Variants in SLC38A4 observed in about 807,000 individuals in gnomAD.
The protein encoded by SLC38A4 is solute carrier family 38 member 4.
In SLC38A4, 20 loss-of-function variants were observed where a neutral mutation model predicts 63.1. The observed-to-expected ratio is 0.32, with a 90% CI of 0.22 to 0.46. The LOEUF (loss-of-function observed/expected upper bound fraction) is 0.46, where lower values mean the gene tolerates loss of function less well. SLC38A4 is among the 20% of genes least tolerant of loss of function. The pLI, the probability that SLC38A4 is intolerant of heterozygous loss-of-function variation, is 1.00. For missense variants in SLC38A4, 526 were observed against 663.6 expected (o/e 0.79, Z 2.28); for synonymous variants, 230 against 225.5 (o/e 1.02, Z -0.18).
rs1592172181 is a variant in SLC38A4, at chr12:46,766,880, T to C, written c.1543-78A>G. 6.4e-6 allele frequency: 6 copies of C among 934,328 alleles called. No homozygotes were observed. The East Asian group carries it at 1.6e-4, about 24-fold the overall frequency. 57.9% of individuals were successfully genotyped at this position (934,328 alleles called of 1,614,324 possible). A position where few individuals can be genotyped will look rare whatever the true frequency, so the allele number is the denominator to read the frequency against. Reference sequence around the variant, plus strand: ...TTGTTTTTTAGTTGTTTACATAATATGGCAATCTGATCTATATATTGAGCC... The same window carrying C: ...TTGTTTTTTAGTTGTTTACATAATACGGCAATCTGATCTATATATTGAGCC... On this transcript the variant is annotated intron_variant, in intron 16 of 16. Coordinates refer to ENST00000266579, the MANE Select transcript of SLC38A4 (RefSeq NM_018018.5).
chr12:46,792,260 G>A (rs1212213928), intron 3 of SLC38A4, among the ~76,000 whole-genome samples: 1 of 152,062 alleles, frequency 6.6e-6, no homozygotes, highest in African/African-American at 2.4e-5. Context: ...TGTATTTGAA[G>A]CATTAATAAG....
rs1416128671 is a variant in SLC38A4, at chr12:46,776,895, G to A, written c.1174+9C>T. The A allele has an allele frequency of 1.2e-6, 2 of 1,609,040 alleles. No individual in the cohort carries two copies. The highest frequency in any genetic ancestry group is 1.7e-6 in the Non-Finnish European group (2 of 1,176,008). ...TTGCATATAGAGAATGACTTTCAGAGTGACCTACCATAGAAGGTTAGGTAA... is the reference window on the plus strand; with the variant it reads ...TTGCATATAGAGAATGACTTTCAGAATGACCTACCATAGAAGGTTAGGTAA... On this transcript the variant is annotated intron_variant, in intron 13 of 16. Transcript: ENST00000266579.
chr12:46,772,722 G>T (rs977865587), intron 14 of SLC38A4, among the ~76,000 whole-genome samples: 14 of 152,120 alleles, frequency 9.2e-5, no homozygotes, highest in African/African-American at 1.7e-4. Flanking sequence ...ATGAAGTAGA[G>T]AAAAACAAAC....
intron 7 of SLC38A4, among the ~76,000 whole-genome samples, chr12:46,782,718 CTTA>C (rs1340558271): frequency 6.6e-6 from 1 of 151,156 alleles, no homozygotes; most frequent in Non-Finnish European, 1.5e-5. Context: ...ATACAGAACA[CTTA>C]TTATGTGCCA....
chr12:46,774,148 C>CAT (rs1335208280), intron 14 of SLC38A4, among the ~76,000 whole-genome samples: 1 of 151,976 alleles, frequency 6.6e-6, no homozygotes, highest in Non-Finnish European at 1.5e-5. Flanking sequence ...TTCATGCACT[C>CAT]ATGAAAAAGG....
At chr12:46,807,078 C>T (rs980329918) in intron 1 of SLC38A4, among the ~76,000 whole-genome samples, 1 of 151,718 alleles carries the variant, frequency 6.6e-6, no homozygotes, top group African/African-American at 2.4e-5. Context: ...ATGACTATAC[C>T]TAAATTTCTA....
chr12:46,773,085 C>A (rs1303915295), intron 14 of SLC38A4, among the ~76,000 whole-genome samples: 2 of 152,084 alleles, frequency 1.3e-5, no homozygotes, highest in Non-Finnish European at 2.9e-5. Flanking sequence ...GAGATCCACT[C>A]ACGGAAGTGA....
At chr12:46,799,523 G>A (rs934819690) in intron 2 of SLC38A4, among the ~76,000 whole-genome samples, 24 of 151,984 alleles carry the variant, frequency 1.6e-4, no homozygotes, top group East Asian at 7.8e-4. Flanking sequence ...GTTTGAACCC[G>A]GGGTCGGAGG....
At chr12:46,810,063 T>C (rs1231710242) in intron 1 of SLC38A4, among the ~76,000 whole-genome samples, 2 of 152,036 alleles carry the variant, frequency 1.3e-5, no homozygotes, top group Non-Finnish European at 2.9e-5. Flanking sequence ...TGATGGGTCC[T>C]GCTATATATT....
intron 5 of SLC38A4, among the ~76,000 whole-genome samples, chr12:46,785,418 T>A (rs1373619165): frequency 6.6e-6 from 1 of 151,966 alleles, no homozygotes; most frequent in African/African-American, 2.4e-5. Flanking sequence ...TGTTACCCAG[T>A]GGTAGAATCT....
chr12:46,795,024 GGTTT>G (rs1383195608), intron 2 of SLC38A4, among the ~76,000 whole-genome samples: 1 of 151,736 alleles, frequency 6.6e-6, no homozygotes. Flanking sequence ...TGAGTACAAA[GGTTT>G]TCCTCATTCT....
At chr12:46,831,571 G>A (rs956601022) in intron 1 of SLC38A4, among the ~76,000 whole-genome samples, 25 of 152,260 alleles carry the variant, frequency 1.6e-4, no homozygotes, top group African/African-American at 4.8e-4. Flanking sequence ...TTTCAGACTC[G>A]CCCACCGCCC....
At chr12:46,790,479 A>T (rs1405358385) in intron 3 of SLC38A4, among the ~76,000 whole-genome samples, 1 of 152,130 alleles carries the variant, frequency 6.6e-6, no homozygotes, top group Non-Finnish European at 1.5e-5. Flanking sequence ...TGCTATGTGA[A>T]GACTGGTACA....
At chr12:46,788,393 A>C (rs1002818016) in intron 4 of SLC38A4, 135 bp downstream of exon 4, 1 of 684,682 alleles carries the variant, frequency 1.5e-6, no homozygotes, top group African/African-American at 1.8e-5. Context: ...CCCTTATTCC[A>C]GTAAGAGCCT....
chr12:46,799,681 A>C (rs1939090885), intron 2 of SLC38A4, among the ~76,000 whole-genome samples: 1 of 152,190 alleles, frequency 6.6e-6, no homozygotes, highest in Admixed American at 6.5e-5. Context: ...TTAACTCTGA[A>C]GATTATATCA....
At chr12:46,828,992 G>T (rs750832536), upstream of SLC38A4, among the ~76,000 whole-genome samples, 1 of 152,122 alleles carries the variant, frequency 6.6e-6, no homozygotes, top group African/African-American at 2.4e-5. Flanking sequence ...CCCTCTGGTT[G>T]TCTTTATTTT....
chr12:46,825,178 TAAATGTCAGCTTCCTGGGTTTA>T lies in SLC38A4; in HGVS notation c.-305+703_-305+724del, dbSNP rs1451517611. 8.6e-3 allele frequency among the ~76,000 whole-genome samples: 1,265 copies of T among 147,868 alleles called. 15 individuals carry two copies. Among genetic ancestry groups the T allele is most frequent in the East Asian group, 0.019 (95 of 4,912 alleles). On this transcript the variant is annotated intron_variant, in intron 1 of 16. Coordinates refer to ENST00000266579, the MANE Select transcript of SLC38A4 (RefSeq NM_018018.5). ...TATAATTACTTTAATATACGAAGTT[TAAATGTCAGCTTCCTGGGTTTA>T]ATATTGTACTAAAGTGTGTCAGATG...
chr12:46,801,038 T>C (rs767099551), intron 2 of SLC38A4, among the ~76,000 whole-genome samples: 7 of 152,160 alleles, frequency 4.6e-5, no homozygotes, highest in Non-Finnish European at 1.0e-4. Context: ...TAAGTTTCTC[T>C]CTAATACAAA....
rs533907321 is a variant in SLC38A4, at chr12:46,815,310, G to C, written c.-305+10593C>G. Reference sequence around the variant, plus strand: ...ACACACACACACACACACACACACAGAGATTGAGAATATGAATCATATTGA... The same window carrying C: ...ACACACACACACACACACACACACACAGATTGAGAATATGAATCATATTGA... On this transcript the variant is annotated intron_variant, in intron 1 of 16. Coordinates refer to ENST00000266579, the MANE Select transcript of SLC38A4 (RefSeq NM_018018.5). Among the ~76,000 whole-genome samples, 415 of 137,656 alleles carry C rather than the reference G, an allele frequency of 3.0e-3. 1 individual carries two copies. The highest frequency in any genetic ancestry group is 0.01 in the African/African-American group (361 of 35,978). The allele number at this position is 137,656 out of a possible 152,430, so 90.3% of individuals were successfully genotyped here. A position where few individuals can be genotyped will look rare whatever the true frequency, so the allele number is the denominator to read the frequency against.
Sources: allele counts gnomAD v4.1 joint callset (sites outside exome capture counted in the v4.1 genomes callset), GRCh38; gene constraint gnomAD v4.1.1; transcripts MANE v1.5; gene names NCBI Gene and HGNC (gene_info 2026-07-23, HGNC 2026-07-21).